Variants in ZNF736 observed in about 807,000 individuals in gnomAD.
The protein encoded by ZNF736 is zinc finger protein 736, also known as KRAB-containing zinc-finger repressor protein.
Under a neutral mutation model 11.7 loss-of-function variants are expected in ZNF736, and 6 were observed. The ratio of observed to expected loss-of-function variants is 0.51; its 90% CI spans 0.28 to 1.01. ZNF736 has a LOEUF of 1.01. Among genes scored for constraint, ZNF736 ranks in the 50% least tolerant of loss-of-function variants. The pLI, the probability that ZNF736 is intolerant of heterozygous loss-of-function variation, is 0.09. For synonymous variants in ZNF736, 139 were observed against 164.7 expected, an observed-to-expected ratio of 0.84 and a Z score of 1.19; for missense variants, 444 against 496.0, an observed-to-expected ratio of 0.90 and a Z score of 1.00.
intron 1 of ZNF736, among the ~76,000 whole-genome samples, chr7:64,323,327 A>G (rs1789027563): frequency 6.6e-6 from 1 of 152,230 alleles, no homozygotes; most frequent in Admixed American, 6.5e-5. Flanking sequence ...ACAGTTGCTT[A>G]TTGAGCATGA....
intron 1 of ZNF736, among the ~76,000 whole-genome samples, chr7:64,314,411 C>G (rs1234631537): frequency 6.6e-6 from 1 of 152,108 alleles, no homozygotes; most frequent in Non-Finnish European, 1.5e-5. Flanking sequence ...AGCTCTGTGC[C>G]GCAACCTCGA....
At chr7:64,343,739 A>G (rs374298401) in intron 3 of ZNF736, among the ~76,000 whole-genome samples, 41 of 152,102 alleles carry the variant, frequency 2.7e-4, no homozygotes, top group African/African-American at 9.4e-4. Flanking sequence ...TTAGTGGCTT[A>G]TGTTTTACAG....
chr7:64,338,399 A>G (rs1453301988), intron 3 of ZNF736, among the ~76,000 whole-genome samples: 1 of 152,210 alleles, frequency 6.6e-6, no homozygotes, highest in Non-Finnish European at 1.5e-5. Flanking sequence ...TTCAGCATAC[A>G]TAACAGTATT....
intron 3 of ZNF736, 37 bp from the exon 4 acceptor site, chr7:64,348,053 G>A: frequency 7.1e-7 from 1 of 1,414,470 alleles, no homozygotes; most frequent in South Asian, 1.5e-5. Flanking sequence ...ATATTCACCT[G>A]AGTCTAATGA....
rs1789530620 is a variant in ZNF736 at position 64,354,584 on chromosome 7, G to T, written c.*5437G>T. The stretch of plus-strand genomic sequence containing the variant: ...TTTGTTGTTTGTCTGTTTGCCTGTT[G>T]CTCACCATAGACATAATTTTCTTTT... On this transcript the variant is annotated 3_prime_UTR_variant, in exon 4 of 4. Transcript: ENST00000423484. The T allele has an allele frequency of 6.6e-6, 1 of 152,008 alleles. No homozygotes were observed. Among genetic ancestry groups the T allele is most frequent in the Non-Finnish European group, 1.5e-5 (1 of 67,984 alleles). 9.4% of individuals were successfully genotyped at this position (152,008 alleles called of 1,614,324 possible).
At chr7:64,341,841 G>A (rs1177541887) in intron 3 of ZNF736, among the ~76,000 whole-genome samples, 6 of 152,122 alleles carry the variant, frequency 3.9e-5, no homozygotes, top group East Asian at 1.9e-4. Context: ...AATGTGAAAC[G>A]AGTGGAAAGA....
At position 64,326,441 on chromosome 7, in the gene ZNF736, A is replaced by C. The variant is rs149066330; in HGVS notation, c.4-9818A>C. Among the ~76,000 whole-genome samples the C allele has an allele frequency of 1.9e-3, 283 of 152,376 alleles. 1 individual carries two copies. Among genetic ancestry groups the C allele is most frequent in the African/African-American group, 6.1e-3 (254 of 41,588 alleles). ...GCACCTTCAGACCTGAAAGTAATTC[A>C]AACACCATGGGACCCTGAATCCCAA... is the stretch of plus-strand genomic sequence containing the variant. On this transcript the variant is annotated intron_variant, in intron 1 of 3. Transcript: ENST00000423484.
chr7:64,337,171 G>C (rs1307057739), intron 3 of ZNF736, 189 bp downstream of exon 3: 2 of 609,054 alleles, frequency 3.3e-6, no homozygotes, highest in African/African-American at 1.9e-5. Flanking sequence ...TCCAAGCACT[G>C]TACTTCCCCT....
At chr7:64,347,568 A>G (rs1445007313) in intron 3 of ZNF736, among the ~76,000 whole-genome samples, 1 of 151,912 alleles carries the variant, frequency 6.6e-6, no homozygotes, top group Non-Finnish European at 1.5e-5. Flanking sequence ...CACTTGCTAT[A>G]CCCATTGTCT....
chr7:64,314,214 C>G (rs1255445914), intron 1 of ZNF736, 61 bp downstream of exon 1: 14 of 1,544,822 alleles, frequency 9.1e-6, no homozygotes, highest in Middle Eastern at 1.7e-4. Flanking sequence ...CCGGCCGGAA[C>G]CGGCTGCGGT....
rs776398077 is a variant in ZNF736 at position 64,336,376 on chromosome 7, G to T, written c.121G>T (p.Val41Phe). ...GATGTTAGAGAACTATGGAAACCTG[G>T]TCTCCTTGGGTGAGAATAACTTCAA... ...DVMLENYGNL[V>F]SLGLAIFKPD... Residue 41 changes from valine (V) to phenylalanine (F), a missense_variant, in exon 2 of 4, where the codon GTC (valine) becomes TTC (phenylalanine). By Grantham distance (50) the Val-to-Phe change is conservative. Coordinates refer to ENST00000423484, the MANE Select transcript of ZNF736 (RefSeq NM_001170905.3). 6.3e-5 allele frequency: 101 copies of T among 1,611,280 alleles called. 1 individual carries two copies. Among genetic ancestry groups the T allele is most frequent in the South Asian group, 5.2e-4 (47 of 90,546 alleles).
chr7:64,348,809 A>G lies in ZNF736; in HGVS notation c.946A>G (p.Asn316Asp), dbSNP rs1168960176. 6.3e-7 allele frequency: 1 copy of G among 1,586,670 alleles called. No homozygotes were observed. Among genetic ancestry groups the G allele is most frequent in the Non-Finnish European group, 8.6e-7 (1 of 1,166,496 alleles). Residue 316 changes from asparagine to aspartate, a missense_variant, in exon 4 of 4, where the codon AAT (asparagine) becomes GAT (aspartate). By Grantham distance (23) the Asn-to-Asp change is conservative. Transcript: ENST00000423484. The stretch of plus-strand genomic sequence containing the variant: ...TACTGGAGACAAACCCTACACATGT[A>G]ATGAATGTGGAAAAGCTTTTAAGTG... ...IHTGDKPYTC[N>D]ECGKAFKWFS...
At chr7:64,333,658 G>A (rs1208289377) in intron 1 of ZNF736, among the ~76,000 whole-genome samples, 1 of 150,610 alleles carries the variant, frequency 6.6e-6, no homozygotes, top group South Asian at 2.1e-4. Context: ...GACACAAATG[G>A]AAAAAAAAAA....
At chr7:64,331,307 C>T (rs1485582971) in intron 1 of ZNF736, among the ~76,000 whole-genome samples, 1 of 152,146 alleles carries the variant, frequency 6.6e-6, no homozygotes, top group Non-Finnish European at 1.5e-5. Flanking sequence ...CTGAATTCTG[C>T]CCCATGCTGC....
Position 64,354,160 on chromosome 7 carries a change from T to C in ZNF736, c.*5013T>C, listed in dbSNP as rs979720851. ...GTTGTAATGAAGATTATGAGTATAA[T>C]TGGAGCTATATGTTTCTGAATTCTG... On this transcript the variant is annotated 3_prime_UTR_variant, in exon 4 of 4. Coordinates refer to ENST00000423484, the MANE Select transcript of ZNF736 (RefSeq NM_001170905.3). 8 of 152,316 alleles carry C rather than the reference T, an allele frequency of 5.3e-5. No individual in the cohort carries two copies. The highest frequency in any genetic ancestry group is 1.9e-4 in the African/African-American group (8 of 41,592). 9.4% of individuals were successfully genotyped at this position (152,316 alleles called of 1,614,324 possible).
intron 2 of ZNF736, among the ~76,000 whole-genome samples, chr7:64,336,652 C>A (rs1439362460): frequency 1.3e-5 from 2 of 152,086 alleles, no homozygotes; most frequent in Non-Finnish European, 2.9e-5. Flanking sequence ...GTTACCCACA[C>A]CTAAAAATGC....
At position 64,352,790 on chromosome 7, in the gene ZNF736, A is replaced by T. The variant is rs565768425; in HGVS notation, c.*3643A>T. On this transcript the variant is annotated 3_prime_UTR_variant, in exon 4 of 4. Coordinates refer to ENST00000423484, the MANE Select transcript of ZNF736 (RefSeq NM_001170905.3). ...TCAAAGCCTGAAGGCTGGAATGGCT[A>T]AGTTGCTCAAGCAGCAAAGATGGTG... The T allele has an allele frequency of 2.6e-5, 4 of 152,470 alleles. No individual in the cohort carries two copies. The South Asian group carries it at 8.3e-4, about 32-fold the overall frequency. 9.4% of individuals were successfully genotyped at this position (152,470 alleles called of 1,614,324 possible).
intron 3 of ZNF736, among the ~76,000 whole-genome samples, chr7:64,340,985 T>A (rs1789328764): frequency 6.6e-6 from 1 of 151,790 alleles, no homozygotes; most frequent in Non-Finnish European, 1.5e-5. Context: ...GTCTCCTTAA[T>A]CATATCTAAT....
Position 64,319,333 on chromosome 7 carries a change from GTATATATATATATATA to G in ZNF736, c.3+5212_3+5227del, listed in dbSNP as rs71060585. Among the ~76,000 whole-genome samples, 115 of 71,648 alleles carry G rather than the reference GTATATATATATATATA, an allele frequency of 1.6e-3. 1 individual carries two copies. The Middle Eastern group carries it at 0.037, about 23-fold the overall frequency. 47.0% of individuals were successfully genotyped at this position (71,648 alleles called of 152,430 possible). On this transcript the variant is annotated intron_variant, in intron 1 of 3. Coordinates refer to ENST00000423484, the MANE Select transcript of ZNF736 (RefSeq NM_001170905.3). ...TATATGTATGTGTGTGTGTGTATGT[GTATATATATATATATA>G]TATATATATATATATATATATATAT...
Sources: allele counts gnomAD v4.1 joint callset (sites outside exome capture counted in the v4.1 genomes callset), GRCh38; gene constraint gnomAD v4.1.1; transcripts MANE v1.5; gene names NCBI Gene and HGNC (gene_info 2026-07-23, HGNC 2026-07-21).